The following ADK variants were observed in gnomAD, a reference collection of about 807,000 sequenced individuals.
The protein encoded by ADK is N6,N6-dimethyladenosine kinase.
In ADK, 24 loss-of-function variants were observed where a neutral mutation model predicts 44.7. That is an observed-to-expected ratio of 0.54 (90% confidence interval 0.39 to 0.76). ADK has a LOEUF of 0.76. Among genes scored for constraint, ADK ranks in the 30% least tolerant of loss-of-function variants. The probability of loss-of-function intolerance (pLI) is 0.00; values close to 1 mark genes in which losing one functional copy is unlikely to be tolerated. For missense variants in ADK, 321 were observed against 425.1 expected (o/e 0.76, Z 2.15); for synonymous variants, 128 against 142.6 (o/e 0.90, Z 0.73).
chr10:74,654,678 G>A (rs1170028344), intron 9 of ADK, among the ~76,000 whole-genome samples: 1 of 152,218 alleles, frequency 6.6e-6, no homozygotes, highest in Non-Finnish European at 1.5e-5. Flanking sequence ...CGGGTGTGGT[G>A]GCAGGCACCT....
intron 1 of ADK, among the ~76,000 whole-genome samples, chr10:74,185,842 GAAAAA>G (rs71021593): frequency 4.6e-5 from 3 of 65,824 alleles, no homozygotes; most frequent in South Asian, 1.1e-3. Context: ...GTCTCAAAAA[GAAAAA>G]AAAAAAAAAA....
intron 1 of ADK, among the ~76,000 whole-genome samples, chr10:74,185,791 C>G (rs1307536213): frequency 7.5e-6 from 1 of 134,158 alleles, no homozygotes; most frequent in South Asian, 2.6e-4. Context: ...GAGCCGAGAT[C>G]GTGCCAGTGC....
chr10:74,520,312 CAA>C (rs567158465), intron 6 of ADK, among the ~76,000 whole-genome samples: 1 of 151,232 alleles, frequency 6.6e-6, no homozygotes, highest in Non-Finnish European at 1.5e-5. Context: ...TCAGTAAAAA[CAA>C]AGTCTTTTTT....
chr10:74,591,134 C>T (rs889512436), intron 8 of ADK, among the ~76,000 whole-genome samples: 7 of 152,110 alleles, frequency 4.6e-5, no homozygotes, highest in African/African-American at 1.7e-4. Context: ...CCTTGAGCTA[C>T]TTGCTTTTCA....
chr10:74,589,740 A>G (rs1460502349), intron 8 of ADK, among the ~76,000 whole-genome samples: 1 of 152,200 alleles, frequency 6.6e-6, no homozygotes, highest in Non-Finnish European at 1.5e-5. Context: ...TTTCAGCCCT[A>G]TCACATGTAG....
chr10:74,495,258 T>A (rs1401649050), intron 6 of ADK, among the ~76,000 whole-genome samples: 2 of 152,108 alleles, frequency 1.3e-5, no homozygotes, highest in African/African-American at 4.8e-5. Flanking sequence ...CCTGGGTTGA[T>A]CCTCTATTTT....
At chr10:74,555,611 GAA>G (rs146068579) in intron 7 of ADK, among the ~76,000 whole-genome samples, 4 of 115,412 alleles carry the variant, frequency 3.5e-5, no homozygotes, top group African/African-American at 6.2e-5. Context: ...ACCTTGTCTC[GAA>G]AAAAAAAAAA....
At chr10:74,474,610 C>G (rs1363796180) in intron 6 of ADK, among the ~76,000 whole-genome samples, 1 of 151,618 alleles carries the variant, frequency 6.6e-6, no homozygotes, top group Non-Finnish European at 1.5e-5. Flanking sequence ...GTGGCGAGAT[C>G]ATGGCTCGCT....
intron 6 of ADK, among the ~76,000 whole-genome samples, chr10:74,431,755 A>ATCAG (rs1845008331): frequency 6.6e-6 from 1 of 151,688 alleles, no homozygotes; most frequent in Non-Finnish European, 1.5e-5. Context: ...CAATCAATCA[A>ATCAG]TCAATCAGTA....
chr10:74,164,776 T>G (rs1449518549), intron 1 of ADK, among the ~76,000 whole-genome samples: 39 of 152,226 alleles, frequency 2.6e-4, no homozygotes, highest in Non-Finnish European at 1.2e-4. Context: ...CATTCCTACA[T>G]TTTTCAAATG....
intron 7 of ADK, among the ~76,000 whole-genome samples, chr10:74,528,675 A>G (rs1051755066): frequency 3.9e-5 from 6 of 152,218 alleles, no homozygotes; most frequent in African/African-American, 1.4e-4. Flanking sequence ...CTCAACAATA[A>G]GCAAACTAAC....
rs941151556 is a variant in ADK at position 74,400,896 on chromosome 10, T to C, written c.555+2317T>C. Among the ~76,000 whole-genome samples, 15 of 152,150 alleles carry C rather than the reference T, an allele frequency of 9.9e-5. No individual in the cohort carries two copies. The East Asian group carries it at 1.9e-3, about 20-fold the overall frequency. ...TGAATATTAAGAAAATTCCAAACCT[T>C]CTTCTTCATTTTCTTCACCATATAA... On this transcript the variant is annotated intron_variant, in intron 6 of 10. Coordinates refer to ENST00000539909, the MANE Select transcript of ADK (RefSeq NM_006721.4).
chr10:74,620,020 C>T (rs1852926633), intron 9 of ADK, among the ~76,000 whole-genome samples: 1 of 152,138 alleles, frequency 6.6e-6, no homozygotes, highest in Non-Finnish European at 1.5e-5. Flanking sequence ...CAACACCCTG[C>T]CCATCGTGAT....
chr10:74,658,692 G>A (rs185615293), intron 9 of ADK, among the ~76,000 whole-genome samples: 4 of 152,018 alleles, frequency 2.6e-5, no homozygotes, highest in African/African-American at 9.7e-5. Flanking sequence ...GCCTCCCAAG[G>A]CTCTGGGATT....
intron 1 of ADK, among the ~76,000 whole-genome samples, chr10:74,161,972 T>C (rs1438277194): frequency 1.3e-5 from 2 of 152,160 alleles, no homozygotes; most frequent in Non-Finnish European, 2.9e-5. Flanking sequence ...CCTAAAGTGC[T>C]AGGATTACAA....
chr10:74,433,192 T>C (rs1413345180), intron 6 of ADK, among the ~76,000 whole-genome samples: 1 of 152,196 alleles, frequency 6.6e-6, no homozygotes, highest in East Asian at 1.9e-4. Flanking sequence ...ATCTCATTCA[T>C]TAAGAAATTT....
intron 6 of ADK, among the ~76,000 whole-genome samples, chr10:74,474,989 G>T (rs1846770552): frequency 6.6e-6 from 1 of 152,080 alleles, no homozygotes; most frequent in African/African-American, 2.4e-5. Context: ...ACTGGGCGTG[G>T]TGGCACGCAC....
intron 9 of ADK, among the ~76,000 whole-genome samples, chr10:74,667,691 C>T (rs1163266191): frequency 2.0e-5 from 3 of 151,802 alleles, no homozygotes; most frequent in Non-Finnish European, 2.9e-5. Flanking sequence ...TGCCACCATG[C>T]CTGACAAATT....
At chr10:74,223,397 G>A (rs1366552942) in intron 2 of ADK, among the ~76,000 whole-genome samples, 1 of 152,146 alleles carries the variant, frequency 6.6e-6, no homozygotes, top group Non-Finnish European at 1.5e-5. Context: ...CCCCGTTGGG[G>A]ATTAAATTTC....
Sources: gnomAD v4.1 joint callset for allele counts (sites outside exome capture counted in the v4.1 genomes callset) on GRCh38, gnomAD v4.1.1 for gene constraint, MANE v1.5 for transcripts, NCBI Gene and HGNC (gene_info 2026-07-23, HGNC 2026-07-21) for gene names.